Variants in TMEM129 observed in about 807,000 individuals in gnomAD.
The protein encoded by TMEM129 is transmembrane protein 129, E3 ubiquitin ligase.
In TMEM129, 35 loss-of-function variants were observed where a neutral mutation model predicts 34.1. The observed-to-expected ratio is 1.03, with a 90% CI of 0.78 to 1.36. TMEM129 has a LOEUF of 1.36. Ranked by LOEUF, TMEM129 falls within the 40% of genes most tolerant of loss-of-function variation. The probability of loss-of-function intolerance (pLI) is 0.00; values close to 1 mark genes in which losing one functional copy is unlikely to be tolerated. For missense variants in TMEM129, 504 were observed against 512.6 expected (o/e 0.98, Z 0.16); for synonymous variants, 239 against 217.3 (o/e 1.10, Z -0.88).
chr4:1,717,945 G>A (rs560562498), intron 2 of TMEM129: 13 of 668,572 alleles, frequency 1.9e-5, no homozygotes, highest in Admixed American at 3.0e-5. Flanking sequence ...GGAAGGGGAG[G>A]CCAAGAGTGC....
rs558294456 is a variant in TMEM129 at position 1,720,050 on chromosome 4, C to T, written c.205+583G>A. 1.3e-5 allele frequency among the ~76,000 whole-genome samples: 2 copies of T among 152,138 alleles called. No individual in the cohort carries two copies. Among genetic ancestry groups the T allele is most frequent in the African/African-American group, 2.4e-5 (1 of 41,504 alleles). ...CCCCACCTCCCACCTGTCCGTCATC[C>T]AATCAGCTGAGAGAGGGACCTTCCA... is the stretch of plus-strand genomic sequence containing the variant. On this transcript the variant is annotated intron_variant, in intron 1 of 3. Coordinates refer to ENST00000382936, the MANE Select transcript of TMEM129 (RefSeq NM_001127266.2). The surrounding 1 kb of genome is among the most constrained non-coding windows in gnomAD (Gnocchi z 4.4).
Position 1,718,538 on chromosome 4 carries a change from C to T in TMEM129, c.294G>A (p.Leu98=), listed in dbSNP as rs1292993098. The T allele has an allele frequency of 6.6e-7, 1 of 1,513,966 alleles. No homozygotes were observed. The highest frequency in any genetic ancestry group is 1.4e-5 in the African/African-American group (1 of 72,478). 93.8% of individuals were successfully genotyped at this position (1,513,966 alleles called of 1,614,324 possible). A position where few individuals can be genotyped will look rare whatever the true frequency, so the allele number is the denominator to read the frequency against. Residue 98 remains leucine, a synonymous_variant, in exon 2 of 4, where the codon CTG becomes CTA. Coordinates refer to ENST00000382936, the MANE Select transcript of TMEM129 (RefSeq NM_001127266.2). ...CGATGGAGGGGAGGGTCACGGCCAG[C>T]AGCAGGAAGAGCCGCCAGGCCTCAG... The part of the protein sequence containing the change: ...QAPEAWRLFL[L]LAVTLPSIAC...
At position 1,721,162 on chromosome 4, in the gene TMEM129, T is replaced by G; in HGVS notation, c.-325A>C. On this transcript the variant is annotated 5_prime_UTR_variant, in exon 1 of 4. Transcript: ENST00000382936. ...AGTCCCCGTGCGGGTGCGGCCTCTCTTCTCGGCCGGCCCTGGAGGCGGCAC... is the reference window on the plus strand; with the variant it reads ...AGTCCCCGTGCGGGTGCGGCCTCTCGTCTCGGCCGGCCCTGGAGGCGGCAC... 4 of 200,472 alleles carry G rather than the reference T, an allele frequency of 2.0e-5. No individual in the cohort carries two copies. The highest frequency in any genetic ancestry group is 6.1e-5 in the Admixed American group (1 of 16,374). 12.4% of individuals were successfully genotyped at this position (200,472 alleles called of 1,614,324 possible).
At position 1,717,661 on chromosome 4, in the gene TMEM129, T is replaced by A; in HGVS notation, c.695A>T (p.Glu232Val). The A allele has an allele frequency of 6.6e-7, 1 of 1,519,844 alleles. No individual in the cohort carries two copies. The highest frequency in any genetic ancestry group is 8.9e-7 in the Non-Finnish European group (1 of 1,129,796). 94.1% of individuals were successfully genotyped at this position (1,519,844 alleles called of 1,614,324 possible). A position where few individuals can be genotyped will look rare whatever the true frequency, so the allele number is the denominator to read the frequency against. Reference sequence around the variant, plus strand: ...GAGCTTCTCGCAGAGCTCCCCGTACTCAGTGGAGTTCAGCCTGCAGGGAGG... The same window carrying A: ...GAGCTTCTCGCAGAGCTCCCCGTACACAGTGGAGTTCAGCCTGCAGGGAGG... ...QAFDIWLNST[E>V]YGELCEKLRA... The change falls in exon 3 of 4, where the codon GAG becomes GTG. Residue 232 changes from glutamate (E) to valine (V), a missense_variant. Coordinates refer to ENST00000382936, the MANE Select transcript of TMEM129 (RefSeq NM_001127266.2).
chr4:1,718,054 C>G, intron 2 of TMEM129, 98 bp downstream of exon 2: 1 of 1,172,482 alleles, frequency 8.5e-7, no homozygotes, highest in Non-Finnish European at 1.2e-6. Context: ...TTGGAGTCCA[C>G]ACCAGCTACA....
intron 1 of TMEM129, chr4:1,718,845 TCA>T: frequency 7.2e-7 from 1 of 1,393,810 alleles, no homozygotes; most frequent in Non-Finnish European, 9.3e-7. Flanking sequence ...TGCTTTAGTT[TCA>T]CACAATACGT....
Position 1,716,797 on chromosome 4 carries a change from G to A in TMEM129, c.*383C>T, listed in dbSNP as rs985293531. On this transcript the variant is annotated 3_prime_UTR_variant, in exon 4 of 4. Coordinates refer to ENST00000382936, the MANE Select transcript of TMEM129 (RefSeq NM_001127266.2). ...GTCCAGGTCTGGCACGTAACTGAGG[G>A]TGGGTATGCTCCAGAGAAGTAAGGC... 2 of 208,332 alleles carry A rather than the reference G, an allele frequency of 9.6e-6. No individual in the cohort carries two copies. Among genetic ancestry groups the A allele is most frequent in the Non-Finnish European group, 1.9e-5 (2 of 104,772 alleles). The allele number at this position is 208,332 out of a possible 1,614,324, so 12.9% of individuals were successfully genotyped here. A position where few individuals can be genotyped will look rare whatever the true frequency, so the allele number is the denominator to read the frequency against.
chr4:1,718,048 A>C, intron 2 of TMEM129, 104 bp downstream of exon 2: 1 of 1,071,542 alleles, frequency 9.3e-7, no homozygotes, highest in Non-Finnish European at 1.3e-6. Flanking sequence ...GGAGTGTTGG[A>C]GTCCACACCA....
chr4:1,718,239 T>C lies in TMEM129; in HGVS notation c.593A>G (p.Glu198Gly). The change falls in exon 2 of 4, where the codon GAG (glutamate) becomes GGG (glycine). Residue 198 changes from glutamate (E) to glycine (G), a missense_variant. Physicochemically the swap from Glu to Gly is moderately conservative, Grantham distance 98 (BLOSUM62 -2). Coordinates refer to ENST00000382936, the MANE Select transcript of TMEM129 (RefSeq NM_001127266.2). ...GGGCAAGTTCGAGTCTGGCGAGAGCTCATGCTGCCGAGACTCCGTCACAGT... is the reference window on the plus strand; with the variant it reads ...GGGCAAGTTCGAGTCTGGCGAGAGCCCATGCTGCCGAGACTCCGTCACAGT... ...HLTVTESRQHELSPDSNLPVQ... is the reference protein window; with the variant it reads ...HLTVTESRQHGLSPDSNLPVQ... 6.2e-7 allele frequency: 1 copy of C among 1,606,336 alleles called. No individual in the cohort carries two copies. Among genetic ancestry groups the C allele is most frequent in the Non-Finnish European group, 8.5e-7 (1 of 1,176,614 alleles).
chr4:1,716,961 C>T lies in TMEM129; in HGVS notation c.*219G>A. On this transcript the variant is annotated 3_prime_UTR_variant, in exon 4 of 4. Transcript: ENST00000382936. ...AGGAGGGAGGCAAAGAGGAGGTGCC[C>T]AGGACTTGTACCCTGGCTGCCAAGC... 1 of 478,736 alleles carries T rather than the reference C, an allele frequency of 2.1e-6. No individual in the cohort carries two copies. Among genetic ancestry groups the T allele is most frequent in the Non-Finnish European group, 3.4e-6 (1 of 294,048 alleles). 29.7% of individuals were successfully genotyped at this position (478,736 alleles called of 1,614,324 possible). A position where few individuals can be genotyped will look rare whatever the true frequency, so the allele number is the denominator to read the frequency against.
Position 1,718,462 on chromosome 4 carries a change from G to A in TMEM129, c.370C>T (p.Leu124=). ...WSRDRWACHP[L]ARTLALYALP... ...GCGTAGAGGGCCAGGGTGCGCGCCAGTGGGTGGCAGGCCCACCGGTCACGG... is the reference window on the plus strand; with the variant it reads ...GCGTAGAGGGCCAGGGTGCGCGCCAATGGGTGGCAGGCCCACCGGTCACGG... The change falls in exon 2 of 4, where the codon CTG becomes TTG. Residue 124 remains leucine (L), a synonymous_variant. Transcript: ENST00000382936. The A allele has an allele frequency of 3.2e-6, 5 of 1,563,150 alleles. No homozygotes were observed. The highest frequency in any genetic ancestry group is 4.3e-6 in the Non-Finnish European group (5 of 1,152,532).
rs1308698546 is a variant in TMEM129 at position 1,720,676 on chromosome 4, G to A, written c.162C>T (p.Arg54=). Reference sequence around the variant, plus strand: ...GGCACAACAGCGTGGCGGCCGTGCGGCGCAAGTGGAAGGGCACGAAGGCGG... The same window carrying A: ...GGCACAACAGCGTGGCGGCCGTGCGACGCAAGTGGAAGGGCACGAAGGCGG... ...EDAAFVPFHL[R]RTAATLLCHS... The change falls in exon 1 of 4, where the codon CGC becomes CGT. Residue 54 remains arginine, a synonymous_variant. Transcript: ENST00000382936. This position sits in a 1 kb window ranked among gnomAD's most constrained non-coding sequence, Gnocchi z 4.4. The A allele has an allele frequency of 1.3e-6, 2 of 1,549,824 alleles. No individual in the cohort carries two copies. Among genetic ancestry groups the A allele is most frequent in the African/African-American group, 1.4e-5 (1 of 73,186 alleles).
rs770152151 is a variant in TMEM129 at position 1,718,463 on chromosome 4, T to G, written c.369A>C (p.Pro123=). Residue 123 remains proline, a synonymous_variant, in exon 2 of 4, where the codon CCA becomes CCC. Transcript: ENST00000382936. ...CGTAGAGGGCCAGGGTGCGCGCCAG[T>G]GGGTGGCAGGCCCACCGGTCACGGG... is the stretch of plus-strand genomic sequence containing the variant. The part of the protein sequence containing the change: ...YWSRDRWACH[P]LARTLALYAL... The G allele has an allele frequency of 2.5e-5, 39 of 1,562,860 alleles. No individual in the cohort carries two copies. Among genetic ancestry groups the G allele is most frequent in the Non-Finnish European group, 3.1e-5 (36 of 1,152,420 alleles).
intron 3 of TMEM129, 36 bp from the exon 4 acceptor site, chr4:1,717,464 A>G (rs1382020996): frequency 5.3e-6 from 8 of 1,501,228 alleles, no homozygotes; most frequent in Non-Finnish European, 7.2e-6. Flanking sequence ...GAGCCCAGGC[A>G]GACACCCGTG....
At position 1,716,778 on chromosome 4, in the gene TMEM129, G is replaced by T. The variant is rs76977466; in HGVS notation, c.*402C>A. ...GACAGGGCAGGAGAATGCGGTCCAG[G>T]TCTGGCACGTAACTGAGGGTGGGTA... On this transcript the variant is annotated 3_prime_UTR_variant, in exon 4 of 4. Transcript: ENST00000382936. 1,261 of 181,946 alleles carry T rather than the reference G, an allele frequency of 6.9e-3. 32 individuals are homozygous for T. The highest frequency in any genetic ancestry group is 0.04 in the Admixed American group (635 of 16,002). The allele number at this position is 181,946 out of a possible 1,614,324, so 11.3% of individuals were successfully genotyped here. A position where few individuals can be genotyped will look rare whatever the true frequency, so the allele number is the denominator to read the frequency against.
chr4:1,719,981 C>T (rs890397220), intron 1 of TMEM129, among the ~76,000 whole-genome samples: 9 of 152,080 alleles, frequency 5.9e-5, no homozygotes, highest in South Asian at 4.1e-4. Flanking sequence ...GCCCCCGTGT[C>T]CTCCAGAGGT....
At chr4:1,718,030 C>T in intron 2 of TMEM129, 122 bp downstream of exon 2, 1 of 944,050 alleles carries the variant, frequency 1.1e-6, no homozygotes, top group Non-Finnish European at 1.5e-6. Context: ...TGGTGTCACA[C>T]AAGCCCAGGA....
chr4:1,719,777 A>G (rs1717185652), intron 1 of TMEM129, among the ~76,000 whole-genome samples: 1 of 152,024 alleles, frequency 6.6e-6, no homozygotes, highest in African/African-American at 2.4e-5. Context: ...AGCCCCATCC[A>G]TCTCTCAAGT....
rs1330056570 is a variant in TMEM129 at position 1,720,589 on chromosome 4, C to T, written c.205+44G>A. On this transcript the variant is annotated intron_variant, in intron 1 of 3. Coordinates refer to ENST00000382936, the MANE Select transcript of TMEM129 (RefSeq NM_001127266.2). The surrounding 1 kb of genome is among the most constrained non-coding windows in gnomAD (Gnocchi z 4.4). ...GCCTCCTCCTGACCTCCCAGCAAGC[C>T]CTGCGCAGGAGAGGATGCGGCCGGC... The T allele has an allele frequency of 4.6e-6, 7 of 1,513,940 alleles. No homozygotes were observed. Among genetic ancestry groups the T allele is most frequent in the African/African-American group, 4.2e-5 (3 of 71,976 alleles). 93.8% of individuals were successfully genotyped at this position (1,513,940 alleles called of 1,614,324 possible).
Sources: allele counts gnomAD v4.1 joint callset (sites outside exome capture counted in the v4.1 genomes callset), GRCh38; gene constraint gnomAD v4.1.1; non-coding constraint Gnocchi (gnomAD v3.1); transcripts MANE v1.5; gene names NCBI Gene and HGNC (gene_info 2026-07-23, HGNC 2026-07-21).